Variants in DLC1 observed in about 807,000 individuals in gnomAD.
DLC1 encodes the protein DLC1 Rho GTPase activating protein.
A neutral mutation model predicts 140.3 loss-of-function variants in DLC1; 54 were observed. The observed-to-expected ratio is 0.38, with a 90% confidence interval of 0.31 to 0.48. DLC1 has a LOEUF of 0.48. DLC1 is among the 20% of genes least tolerant of loss of function. The pLI is 0.96. For missense variants in DLC1, 2,536 were observed against 1,907.0 expected (o/e 1.33, Z -6.14); for synonymous variants, 986 against 728.1 (o/e 1.35, Z -5.70).
At chr8:13,577,063 G>T (rs113558766) in intron 1 of DLC1, among the ~76,000 whole-genome samples, 2 of 152,110 alleles carry the variant, frequency 1.3e-5, no homozygotes, top group Non-Finnish European at 2.9e-5. Context: ...CAGGTGGGAC[G>T]ATGGCGTTAA....
intron 1 of DLC1, among the ~76,000 whole-genome samples, chr8:13,588,693 T>C (rs890741387): frequency 3.3e-5 from 5 of 152,138 alleles, no homozygotes; most frequent in Non-Finnish European, 7.4e-5. Context: ...TATAAGACAA[T>C]TCAGAAATTA....
intron 5 of DLC1, among the ~76,000 whole-genome samples, chr8:13,205,983 A>C (rs1219866669): frequency 6.6e-6 from 1 of 152,208 alleles, no homozygotes; most frequent in Non-Finnish European, 1.5e-5. Context: ...GACTATTAAA[A>C]TATAGATAGC....
At chr8:13,105,711 G>A (rs1159899736) in intron 7 of DLC1, among the ~76,000 whole-genome samples, 1 of 151,466 alleles carries the variant, frequency 6.6e-6, no homozygotes, top group Admixed American at 6.6e-5. Flanking sequence ...CTGAGCAGCT[G>A]GGACTACAGG....
intron 3 of DLC1, among the ~76,000 whole-genome samples, chr8:13,395,999 A>G (rs145309650): frequency 2.0e-5 from 3 of 152,132 alleles, no homozygotes; most frequent in African/African-American, 2.4e-5. Context: ...CAGGTAATTT[A>G]TAAGCCATTT....
intron 5 of DLC1, among the ~76,000 whole-genome samples, chr8:13,243,325 C>T (rs1829622424): frequency 7.1e-6 from 1 of 140,970 alleles, no homozygotes; most frequent in Admixed American, 7.2e-5. Context: ...AAGTGTGTAG[C>T]ATTTCACTCT....
intron 5 of DLC1, among the ~76,000 whole-genome samples, chr8:13,288,663 T>A (rs1831632583): frequency 6.6e-6 from 1 of 152,210 alleles, no homozygotes; most frequent in Non-Finnish European, 1.5e-5. Context: ...GGATGTGCCA[T>A]CAAGGTCTAG....
intron 16 of DLC1, 44 bp downstream of exon 16, chr8:13,088,443 A>G: frequency 6.3e-7 from 1 of 1,598,008 alleles, no homozygotes; most frequent in Non-Finnish European, 8.6e-7. Context: ...TGGTTCATAT[A>G]TGGAGTCATC....
intron 10 of DLC1, 42 bp from the exon 11 acceptor site, chr8:13,095,287 C>T (rs1482396168): frequency 6.2e-7 from 1 of 1,612,142 alleles, no homozygotes; most frequent in Non-Finnish European, 8.5e-7. Context: ...CGGAGACATG[C>T]TCACTTGTCT....
At chr8:13,521,372 C>T (rs1252643335) in intron 1 of DLC1, among the ~76,000 whole-genome samples, 2 of 151,794 alleles carry the variant, frequency 1.3e-5, no homozygotes, top group African/African-American at 2.4e-5. Context: ...TGTAACAAAC[C>T]TACACATTCT....
chr8:13,545,950 C>T (rs958265854), intron 1 of DLC1, among the ~76,000 whole-genome samples: 5 of 151,966 alleles, frequency 3.3e-5, no homozygotes, highest in African/African-American at 1.2e-4. Flanking sequence ...TATTTTAAAG[C>T]CCACTGGGAT....
At chr8:13,110,200 C>A (rs1473038571) in intron 7 of DLC1, among the ~76,000 whole-genome samples, 1 of 152,190 alleles carries the variant, frequency 6.6e-6, no homozygotes, top group Non-Finnish European at 1.5e-5. Flanking sequence ...CCCAAAACCA[C>A]AATGATCAAG....
At position 13,457,979 on chromosome 8, in the gene DLC1, T is replaced by C. The variant is rs59354870; in HGVS notation, c.1023+41070A>G. On this transcript the variant is annotated intron_variant, in intron 2 of 17. Coordinates refer to ENST00000276297, the MANE Select transcript of DLC1 (RefSeq NM_182643.3). Reference sequence around the variant, plus strand: ...TGAAATACTTTATTAAAGTATAGAATAGGTTCAAGAAGGACCAACACAGAC... The same window carrying C: ...TGAAATACTTTATTAAAGTATAGAACAGGTTCAAGAAGGACCAACACAGAC... 3.2e-3 allele frequency among the ~76,000 whole-genome samples: 491 copies of C among 152,266 alleles called. 11 individuals carry two copies. The South Asian group carries it at 0.062, about 19-fold the overall frequency.
chr8:13,345,251 A>G (rs1045487396), intron 4 of DLC1, among the ~76,000 whole-genome samples: 6 of 152,166 alleles, frequency 3.9e-5, no homozygotes, highest in African/African-American at 1.2e-4. Flanking sequence ...TCCTTCCCCA[A>G]CTGTCATGTA....
chr8:13,487,531 G>T (rs146735576), intron 2 of DLC1, among the ~76,000 whole-genome samples: 4 of 151,724 alleles, frequency 2.6e-5, no homozygotes, highest in African/African-American at 9.7e-5. Flanking sequence ...AACTCACAGG[G>T]TCTGCATGCT....
At chr8:13,391,277 C>T (rs1479494012) in intron 4 of DLC1, among the ~76,000 whole-genome samples, 1 of 152,178 alleles carries the variant, frequency 6.6e-6, no homozygotes, top group African/African-American at 2.4e-5. Flanking sequence ...AACTGCATGA[C>T]AATTCTCATG....
intron 4 of DLC1, among the ~76,000 whole-genome samples, chr8:13,336,991 G>C (rs980574102): frequency 6.6e-6 from 1 of 152,040 alleles, no homozygotes; most frequent in Admixed American, 6.6e-5. Context: ...TATAAACCAA[G>C]TAAAACAAAA....
At chr8:13,354,297 A>G (rs1031001904) in intron 4 of DLC1, among the ~76,000 whole-genome samples, 18 of 152,034 alleles carry the variant, frequency 1.2e-4, no homozygotes, top group African/African-American at 4.1e-4. Context: ...TTGGCCTGTA[A>G]TATACTTTAT....
At chr8:13,530,301 A>G (rs987181011) in intron 1 of DLC1, among the ~76,000 whole-genome samples, 12 of 152,306 alleles carry the variant, frequency 7.9e-5, no homozygotes, top group South Asian at 2.1e-4. Context: ...TAGTACAGCC[A>G]TTTCTTAAGG....
chr8:13,426,617 G>T (rs1838593044), intron 2 of DLC1, among the ~76,000 whole-genome samples: 1 of 152,150 alleles, frequency 6.6e-6, no homozygotes, highest in African/African-American at 2.4e-5. Flanking sequence ...ACCATCAAAA[G>T]TGTCCTCGTC....
Sources: allele counts gnomAD v4.1 joint callset (sites outside exome capture counted in the v4.1 genomes callset), GRCh38; gene constraint gnomAD v4.1.1; transcripts MANE v1.5; gene names NCBI Gene and HGNC (gene_info 2026-07-23, HGNC 2026-07-21).